Variants in ELP3 observed in about 807,000 individuals in gnomAD.
The protein encoded by ELP3 is elongator complex protein 3.
ELP3 carries 56 observed loss-of-function variants against 74.9 expected under a neutral mutation model. The observed-to-expected ratio is 0.75, with a 90% confidence interval of 0.60 to 0.93. The LOEUF (loss-of-function observed/expected upper bound fraction) is 0.93. Among genes scored for constraint, ELP3 ranks in the 40% least tolerant of loss-of-function variants. The pLI is 0.00. For synonymous variants in ELP3, 222 were observed against 239.8 expected (o/e 0.93, Z 0.68); for missense variants, 573 against 686.5 (o/e 0.83, Z 1.85).
chr8:28,090,480 T>TGG (rs34110386), upstream of ELP3: 11 of 201,672 alleles, frequency 5.5e-5, no homozygotes, highest in Middle Eastern at 3.5e-3. Context: ...GTCTGATGGG[T>TGG]GGGTGTGTGT....
At chr8:28,107,477 T>G (rs1585644518) in intron 4 of ELP3, among the ~76,000 whole-genome samples, 1 of 152,172 alleles carries the variant, frequency 6.6e-6, no homozygotes, top group Admixed American at 6.5e-5. Flanking sequence ...AAAATTATCC[T>G]TATACGTAAC....
chr8:28,106,267 G>A (rs572917602), intron 3 of ELP3, among the ~76,000 whole-genome samples: 89 of 152,188 alleles, frequency 5.8e-4, no homozygotes, highest in South Asian at 2.5e-3. Flanking sequence ...TCGGCCGGGC[G>A]CGGTGGCTCA....
Position 28,098,227 on chromosome 8 carries a change from A to G in ELP3, c.119+909A>G, listed in dbSNP as rs554928680. 4.4e-4 allele frequency among the ~76,000 whole-genome samples: 67 copies of G among 151,860 alleles called. 1 individual carries two copies. The South Asian group carries it at 0.013, about 30-fold the overall frequency. Reference sequence around the variant, plus strand: ...TATTTTTTTTTTCAAACTATAATATATATTCACTCTATGTAGATCTTCCCT... The same window carrying G: ...TATTTTTTTTTTCAAACTATAATATGTATTCACTCTATGTAGATCTTCCCT... On this transcript the variant is annotated intron_variant, in intron 2 of 14. Transcript: ENST00000256398.
intron 14 of ELP3, among the ~76,000 whole-genome samples, chr8:28,185,154 C>T (rs1815187598): frequency 6.6e-6 from 1 of 152,072 alleles, no homozygotes; most frequent in African/African-American, 2.4e-5. Context: ...ACATAAAAAG[C>T]CAGAAGTATT....
intron 10 of ELP3, among the ~76,000 whole-genome samples, chr8:28,138,628 AT>A (rs1813092989): frequency 6.6e-6 from 1 of 152,236 alleles, no homozygotes; most frequent in Admixed American, 6.5e-5. Flanking sequence ...CTGCAAATGC[AT>A]TACAATCAGC....
upstream of ELP3, chr8:28,093,027 G>C (rs527587631): frequency 2.1e-6 from 2 of 938,236 alleles, no homozygotes; most frequent in African/African-American, 3.3e-5. Context: ...CGGGCCGCCT[G>C]CTACCCTGTT....
At chr8:28,091,910 T>C (rs2130323308), upstream of ELP3, among the ~76,000 whole-genome samples, 1 of 152,240 alleles carries the variant, frequency 6.6e-6, no homozygotes, top group East Asian at 1.9e-4. Flanking sequence ...TATGCATTCA[T>C]TTCACACTCA....
intron 13 of ELP3, among the ~76,000 whole-genome samples, 200 bp downstream of exon 13, chr8:28,160,656 CTG>C (rs1814040442): frequency 6.6e-6 from 1 of 152,130 alleles, no homozygotes; most frequent in Non-Finnish European, 1.5e-5. Flanking sequence ...AAAGGATAAA[CTG>C]AGATTCAGTC....
intron 7 of ELP3, among the ~76,000 whole-genome samples, chr8:28,120,434 A>G (rs1812323390): frequency 6.6e-6 from 1 of 152,216 alleles, no homozygotes; most frequent in Non-Finnish European, 1.5e-5. Flanking sequence ...AGGTGGTTGT[A>G]TATCCTAGCT....
At chr8:28,168,310 T>G (rs1814386998) in intron 14 of ELP3, among the ~76,000 whole-genome samples, 1 of 152,236 alleles carries the variant, frequency 6.6e-6, no homozygotes, top group East Asian at 1.9e-4. Context: ...TTGGAGTGGC[T>G]GATTGGCATT....
At chr8:28,098,203 A>G (rs1811332148) in intron 2 of ELP3, among the ~76,000 whole-genome samples, 3 of 147,476 alleles carry the variant, frequency 2.0e-5, no homozygotes, top group Non-Finnish European at 3.0e-5. Context: ...CTCTGCATCT[A>G]TTTTTTTTTT....
At chr8:28,139,180 T>C (rs1813119479) in intron 10 of ELP3, among the ~76,000 whole-genome samples, 1 of 152,260 alleles carries the variant, frequency 6.6e-6, no homozygotes, top group South Asian at 2.1e-4. Context: ...ATGTCAGAGC[T>C]GTACGTCCTC....
At chr8:28,126,658 GCTGT>G (rs143810469) in intron 7 of ELP3, among the ~76,000 whole-genome samples, 46 of 152,306 alleles carry the variant, frequency 3.0e-4, no homozygotes, top group South Asian at 6.2e-4. Context: ...CTTTTGGATG[GCTGT>G]CTAAGTGGCA....
At chr8:28,117,699 C>T (rs950825760) in intron 7 of ELP3, among the ~76,000 whole-genome samples, 1 of 152,116 alleles carries the variant, frequency 6.6e-6, no homozygotes, top group East Asian at 1.9e-4. Flanking sequence ...TTGCTCTTTT[C>T]TCTCAGTCTC....
chr8:28,130,651 G>A (rs373297426), intron 8 of ELP3, among the ~76,000 whole-genome samples: 5 of 152,330 alleles, frequency 3.3e-5, no homozygotes, highest in Admixed American at 2.0e-4. Context: ...TTCAAGGGCT[G>A]TGCTAGAGAG....
In ELP3 at chr8:28,107,939, A is replaced by G; in HGVS notation, c.356A>G (p.Asp119Gly). ...CVYCPGGPDS[D>G]FEYSTQSYTG... The stretch of plus-strand genomic sequence containing the variant: ...TACTGCCCTGGTGGACCTGATTCTG[A>G]TTTTGAGTATTCCACCCAGTCTTAC... Residue 119 changes from aspartate to glycine, a missense_variant, in exon 5 of 15, where the codon GAT (aspartate) becomes GGT (glycine). Physicochemically the swap from Asp to Gly is moderately conservative, Grantham distance 94. Transcript: ENST00000256398. 5 of 1,613,948 alleles carry G rather than the reference A, an allele frequency of 3.1e-6. No homozygotes were observed. The highest frequency in any genetic ancestry group is 4.2e-6 in the Non-Finnish European group (5 of 1,179,952).
At chr8:28,162,920 C>T (rs1669377153) in intron 14 of ELP3, among the ~76,000 whole-genome samples, 1 of 152,198 alleles carries the variant, frequency 6.6e-6, no homozygotes, top group South Asian at 2.1e-4. Flanking sequence ...TCCTCATGAA[C>T]ATCTCATGAC....
chr8:28,143,244 TC>T (rs149154719), intron 10 of ELP3, among the ~76,000 whole-genome samples: 8,721 of 152,212 alleles, frequency 0.057, 806 homozygotes, highest in African/African-American at 0.19. Context: ...GTAGCACCAC[TC>T]CCATGATCTC....
intron 10 of ELP3, among the ~76,000 whole-genome samples, chr8:28,144,300 C>T (rs546130275): frequency 6.6e-6 from 1 of 152,276 alleles, no homozygotes; most frequent in South Asian, 2.1e-4. Context: ...AAAACAGCTT[C>T]ATATCTCTAT....
Sources: gnomAD v4.1 joint callset for allele counts (sites outside exome capture counted in the v4.1 genomes callset) on GRCh38, gnomAD v4.1.1 for gene constraint, MANE v1.5 for transcripts, NCBI Gene and HGNC (gene_info 2026-07-23, HGNC 2026-07-21) for gene names.